Variants in ANGEL1 observed in about 807,000 individuals in gnomAD.
The protein encoded by ANGEL1 is RNA 2',3'-cyclic phosphatase ANGEL1.
A neutral mutation model predicts 76.4 loss-of-function variants in ANGEL1; 62 were observed. That is an observed-to-expected ratio of 0.81 (90% CI 0.66 to 1.00). The LOEUF is 1.00. ANGEL1 is among the 50% of genes least tolerant of loss of function. The pLI is 0.00. For missense variants in ANGEL1, 737 were observed against 836.7 expected (o/e 0.88, Z 1.47); for synonymous variants, 340 against 331.7 (o/e 1.03, Z -0.27).
In ANGEL1 at chr14:76,787,843, A is replaced by G. The variant is rs1343235756; in HGVS notation, c.*1385T>C. On this transcript the variant is annotated 3_prime_UTR_variant, in exon 10 of 10. Coordinates refer to ENST00000251089, the MANE Select transcript of ANGEL1 (RefSeq NM_015305.4). ...GGAGGGGCTGGCCCAGGATCTCCCA[A>G]GGCCACACCCCAGCAATGAAAGATT... 6.6e-6 allele frequency: 1 copy of G among 152,614 alleles called. No individual in the cohort carries two copies. Among genetic ancestry groups the G allele is most frequent in the Non-Finnish European group, 1.5e-5 (1 of 68,086 alleles). The allele number at this position is 152,614 out of a possible 1,614,324, so 9.5% of individuals were successfully genotyped here.
At chr14:76,812,429 G>A (rs1272458312) in intron 1 of ANGEL1, 2 of 1,140,874 alleles carry the variant, frequency 1.8e-6, no homozygotes, top group African/African-American at 1.6e-5. Context: ...CCGCCGGGGT[G>A]CTGACTTGGC....
chr14:76,805,390 T>C (rs2140226707), intron 5 of ANGEL1, among the ~76,000 whole-genome samples: 1 of 152,346 alleles, frequency 6.6e-6, no homozygotes, highest in South Asian at 2.1e-4. Flanking sequence ...GTTCCTTGAT[T>C]ACAGCTCCTT....
chr14:76,812,539 G>A (rs1895119040), intron 1 of ANGEL1: 1 of 1,247,508 alleles, frequency 8.0e-7, no homozygotes, highest in Non-Finnish European at 1.0e-6. Flanking sequence ...TCTGACAACA[G>A]GCGGGAGGAG....
Position 76,791,346 on chromosome 14 carries a change from C to G in ANGEL1, c.1639G>C (p.Glu547Gln), listed in dbSNP as rs1428006031. ...TKPERPAGWAESVLEEDASEL... is the reference protein window; with the variant it reads ...TKPERPAGWAQSVLEEDASEL... ...GATGCATCTTCCTCAAGGACAGACTCAGCCCAACCCGCAGGTCGCTCTGCA... is the reference window on the plus strand; with the variant it reads ...GATGCATCTTCCTCAAGGACAGACTGAGCCCAACCCGCAGGTCGCTCTGCA... The change falls in exon 8 of 10, where the codon GAG becomes CAG. Residue 547 changes from glutamate to glutamine, a missense_variant. Around this residue, in one of 2 missense-constraint regions of ANGEL1, gnomAD observed 296 missense variants for 387.2 expected, o/e 0.76. Coordinates refer to ENST00000251089, the MANE Select transcript of ANGEL1 (RefSeq NM_015305.4). 1 of 1,614,086 alleles carries G rather than the reference C, an allele frequency of 6.2e-7. No individual in the cohort carries two copies. The highest frequency in any genetic ancestry group is 1.7e-5 in the Admixed American group (1 of 60,026).
rs1275814883 is a variant in ANGEL1 at position 76,804,086 on chromosome 14, C to T, written c.1381-174G>A. ...GTTAAAAATAAGGACCAAATTAAAA[C>T]CATTACTTTTTCACTGGCAACACTG... On this transcript the variant is annotated intron_variant, in intron 5 of 9. Transcript: ENST00000251089. 3 of 1,470,868 alleles carry T rather than the reference C, an allele frequency of 2.0e-6. No homozygotes were observed. The African/African-American group carries it at 4.2e-5, about 21-fold the overall frequency. 91.1% of individuals were successfully genotyped at this position (1,470,868 alleles called of 1,614,324 possible). A position where few individuals can be genotyped will look rare whatever the true frequency, so the allele number is the denominator to read the frequency against.
intron 7 of ANGEL1, among the ~76,000 whole-genome samples, chr14:76,798,595 T>A (rs1289266169): frequency 2.0e-5 from 3 of 152,154 alleles, no homozygotes; most frequent in South Asian, 2.1e-4. Context: ...ATAATAGAAA[T>A]GCTGACAATG....
chr14:76,794,672 A>G (rs1382444543), intron 7 of ANGEL1, among the ~76,000 whole-genome samples: 1 of 129,928 alleles, frequency 7.7e-6, no homozygotes, highest in South Asian at 2.3e-4. Context: ...CTCCATCTCA[A>G]AAAAAAAAAA....
At chr14:76,804,119 C>G (rs1351434166) in intron 5 of ANGEL1, 25 of 1,447,218 alleles carry the variant, frequency 1.7e-5, no homozygotes, top group Non-Finnish European at 2.3e-5. Flanking sequence ...CTGAAATGTC[C>G]ATGAAACAGG....
chr14:76,789,108 G>A lies in ANGEL1; in HGVS notation c.*120C>T. On this transcript the variant is annotated 3_prime_UTR_variant, in exon 10 of 10. Transcript: ENST00000251089. ...AACCGTGGGAAAAAGGGAACGAGGAGGGGGAAGGGAGGGGATGTAAGTTTC... is the reference window on the plus strand; with the variant it reads ...AACCGTGGGAAAAAGGGAACGAGGAAGGGGAAGGGAGGGGATGTAAGTTTC... 3.0e-6 allele frequency: 4 copies of A among 1,312,370 alleles called. 1 individual carries two copies. The highest frequency in any genetic ancestry group is 2.8e-5 in the South Asian group (2 of 71,772). 81.3% of individuals were successfully genotyped at this position (1,312,370 alleles called of 1,614,324 possible).
At chr14:76,810,319 G>A in intron 1 of ANGEL1, 1 of 414,310 alleles carries the variant, frequency 2.4e-6, no homozygotes, top group Non-Finnish European at 4.9e-6. Flanking sequence ...TACTTGGGAG[G>A]CTGAAATGAG....
At position 76,787,191 on chromosome 14, in the gene ANGEL1, G is replaced by C. The variant is rs1894281047; in HGVS notation, c.*2037C>G. ...CTTCCTCTGCCCACCTCATTCTTCA[G>C]GCCCTCTCTCAAGGACCTAATCCCT... On this transcript the variant is annotated 3_prime_UTR_variant, in exon 10 of 10. Transcript: ENST00000251089. 6.6e-6 allele frequency: 1 copy of C among 152,272 alleles called. No individual in the cohort carries two copies. The highest frequency in any genetic ancestry group is 1.9e-4 in the East Asian group (1 of 5,188). 9.4% of individuals were successfully genotyped at this position (152,272 alleles called of 1,614,324 possible).
chr14:76,789,437 T>C, intron 9 of ANGEL1, 49 bp from the exon 10 acceptor site: 2 of 1,604,642 alleles, frequency 1.2e-6, no homozygotes, highest in Non-Finnish European at 1.7e-6. Flanking sequence ...GCAGCCACAC[T>C]GCATGGGCAG....
At chr14:76,810,195 C>A (rs764701116) in intron 1 of ANGEL1, 1 of 454,496 alleles carries the variant, frequency 2.2e-6, no homozygotes, top group South Asian at 1.6e-5. Context: ...ACAGAGGCAG[C>A]AGGATCACTT....
At chr14:76,800,757 G>A (rs1894736341) in intron 7 of ANGEL1, among the ~76,000 whole-genome samples, 1 of 152,180 alleles carries the variant, frequency 6.6e-6, no homozygotes, top group African/African-American at 2.4e-5. Context: ...GATCTCCTGA[G>A]GTCAGGAGTT....
At chr14:76,806,299 G>A (rs959079115) in intron 5 of ANGEL1, 117 bp downstream of exon 5, 2 of 1,069,494 alleles carry the variant, frequency 1.9e-6, no homozygotes, top group Non-Finnish European at 1.3e-6. Flanking sequence ...CAAGAAAAAG[G>A]AGGAGCAGGC....
rs1323042788 is a variant in ANGEL1, at chr14:76,786,670, T to C, written c.*2558A>G. The C allele has an allele frequency of 6.6e-6, 1 of 151,956 alleles. No individual in the cohort carries two copies. The highest frequency in any genetic ancestry group is 1.5e-5 in the Non-Finnish European group (1 of 67,982). The allele number at this position is 151,956 out of a possible 1,614,324, so 9.4% of individuals were successfully genotyped here. A position where few individuals can be genotyped will look rare whatever the true frequency, so the allele number is the denominator to read the frequency against. On this transcript the variant is annotated 3_prime_UTR_variant, in exon 10 of 10. Transcript: ENST00000251089. The stretch of plus-strand genomic sequence containing the variant: ...TGTGGGCTTGGCTGGTCTTACTACA[T>C]AGGGAGGTTGGAAGACAAAAGCACC...
chr14:76,789,222 G>A lies in ANGEL1; in HGVS notation c.*6C>T. On this transcript the variant is annotated 3_prime_UTR_variant, in exon 10 of 10. Transcript: ENST00000251089. ...GAAGAGAAGCTCTCTTCCCCTGGGA[G>A]CCCTGTCATGGGGCGGTGACTTCCA... The A allele has an allele frequency of 6.2e-7, 1 of 1,614,066 alleles. No homozygotes were observed. Among genetic ancestry groups the A allele is most frequent in the Middle Eastern group, 1.7e-4 (1 of 6,056 alleles).
chr14:76,810,852 A>G (rs1430359511), intron 1 of ANGEL1, among the ~76,000 whole-genome samples: 2 of 152,094 alleles, frequency 1.3e-5, no homozygotes, highest in Non-Finnish European at 2.9e-5. Flanking sequence ...AGAGCAAACA[A>G]CTCCTACACT....
intron 7 of ANGEL1, among the ~76,000 whole-genome samples, chr14:76,796,243 TTTTTTCTTTTTC>T (rs1201488033): frequency 1.7e-4 from 26 of 151,732 alleles, no homozygotes; most frequent in African/African-American, 6.0e-4. Flanking sequence ...TCATAGTATT[TTTTTTCTTTTTC>T]TTTTTCTTTT....
Sources: gnomAD v4.1 joint callset for allele counts (sites outside exome capture counted in the v4.1 genomes callset) on GRCh38, gnomAD v4.1.1 for gene constraint, gnomAD v4.1.1 regional missense constraint, MANE v1.5 for transcripts, NCBI Gene and HGNC (gene_info 2026-07-23, HGNC 2026-07-21) for gene names.